The following DPP10 variants were observed in gnomAD, a reference collection of about 807,000 sequenced individuals.
DPP10 encodes dipeptidyl peptidase like 10.
Under a neutral mutation model 120.9 loss-of-function variants are expected in DPP10, and 33 were observed. The ratio of observed to expected loss-of-function variants is 0.27; its 90% CI spans 0.21 to 0.37. DPP10 has a LOEUF of 0.37. Ranked by LOEUF, DPP10 falls within the 10% of genes least tolerant of loss-of-function variation. The probability of loss-of-function intolerance (pLI) is 1.00; values close to 1 mark genes in which losing one functional copy is unlikely to be tolerated. For missense variants in DPP10, 816 were observed against 942.8 expected (o/e 0.87, Z 1.76); for synonymous variants, 337 against 326.1 (o/e 1.03, Z -0.36).
At chr2:114,897,835 A>C (rs919077226) in intron 1 of DPP10, among the ~76,000 whole-genome samples, 3 of 152,080 alleles carry the variant, frequency 2.0e-5, no homozygotes, top group Non-Finnish European at 2.9e-5. Flanking sequence ...AATCATTAAA[A>C]AGTCAGGAAA....
intron 5 of DPP10, among the ~76,000 whole-genome samples, chr2:115,655,229 T>C (rs748421208): frequency 6.6e-6 from 1 of 151,624 alleles, no homozygotes; most frequent in Non-Finnish European, 1.5e-5. Context: ...CTTTATTTAA[T>C]TATAGATATT....
chr2:115,611,991 TG>T (rs2084136534), intron 5 of DPP10, among the ~76,000 whole-genome samples: 1 of 152,150 alleles, frequency 6.6e-6, no homozygotes, highest in African/African-American at 2.4e-5. Context: ...GTTAGATTTA[TG>T]ATGATTAGTG....
At chr2:115,247,467 G>A (rs1215189136) in intron 1 of DPP10, among the ~76,000 whole-genome samples, 1 of 152,076 alleles carries the variant, frequency 6.6e-6, no homozygotes, top group Non-Finnish European at 1.5e-5. Flanking sequence ...TATTTATCTC[G>A]GAGAATCAGG....
chr2:114,502,665 G>C (rs1020201037), intron 1 of DPP10, among the ~76,000 whole-genome samples: 2 of 152,102 alleles, frequency 1.3e-5, no homozygotes, highest in African/African-American at 4.8e-5. Flanking sequence ...GTGCACACAA[G>C]CATACTCCAA....
chr2:115,678,253 C>T (rs2090414410), intron 5 of DPP10, among the ~76,000 whole-genome samples: 1 of 152,218 alleles, frequency 6.6e-6, no homozygotes, highest in Non-Finnish European at 1.5e-5. Flanking sequence ...TCACGGCATC[C>T]CCGCCTGTCA....
chr2:115,134,947 G>A (rs186145188), intron 1 of DPP10, among the ~76,000 whole-genome samples: 2 of 152,210 alleles, frequency 1.3e-5, no homozygotes, highest in Admixed American at 6.5e-5. Context: ...GGGAGGGAAC[G>A]TTCCACACTG....
chr2:115,440,409 T>C (rs1395404364), intron 3 of DPP10, among the ~76,000 whole-genome samples: 1 of 151,778 alleles, frequency 6.6e-6, no homozygotes, highest in East Asian at 1.9e-4. Flanking sequence ...TAGATATTCC[T>C]TTTTTGTCTG....
chr2:115,640,248 T>A (rs1271354513), intron 5 of DPP10, among the ~76,000 whole-genome samples: 1 of 152,118 alleles, frequency 6.6e-6, no homozygotes, highest in Non-Finnish European at 1.5e-5. Context: ...GAGGCCAACA[T>A]TCCCCCAAAT....
intron 1 of DPP10, among the ~76,000 whole-genome samples, chr2:115,021,988 T>C (rs532257392): frequency 1.1e-4 from 17 of 152,036 alleles, no homozygotes; most frequent in Admixed American, 1.0e-3. Context: ...CTCAGCAAAA[T>C]TGGCCATAGC....
At chr2:114,991,327 T>C (rs1490369038) in intron 1 of DPP10, among the ~76,000 whole-genome samples, 3 of 152,144 alleles carry the variant, frequency 2.0e-5, no homozygotes, top group Non-Finnish European at 4.4e-5. Flanking sequence ...TCCACACCAG[T>C]AGTGTAAGGC....
intron 5 of DPP10, among the ~76,000 whole-genome samples, chr2:115,639,234 CT>C (rs1365387003): frequency 6.6e-6 from 1 of 152,194 alleles, no homozygotes; most frequent in African/African-American, 2.4e-5. Context: ...TTCTGTTTCT[CT>C]TCTTCCTTCC....
At chr2:114,847,715 G>T (rs1277169703) in intron 1 of DPP10, among the ~76,000 whole-genome samples, 1 of 152,104 alleles carries the variant, frequency 6.6e-6, no homozygotes, top group Non-Finnish European at 1.5e-5. Flanking sequence ...CTTGATAAAA[G>T]TTTATCTGCA....
chr2:115,479,713 T>C (rs2075312009), intron 3 of DPP10, among the ~76,000 whole-genome samples: 1 of 152,126 alleles, frequency 6.6e-6, no homozygotes, highest in Admixed American at 6.5e-5. Flanking sequence ...CTTAATCAAA[T>C]TTGCTCCAGC....
chr2:115,562,931 A>G (rs1253068372), intron 5 of DPP10, among the ~76,000 whole-genome samples: 2 of 152,202 alleles, frequency 1.3e-5, no homozygotes, highest in African/African-American at 4.8e-5. Context: ...TTAGGTAATA[A>G]TATCTTCCCG....
At chr2:115,098,540 A>G (rs888448795) in intron 1 of DPP10, among the ~76,000 whole-genome samples, 12 of 152,112 alleles carry the variant, frequency 7.9e-5, no homozygotes, top group African/African-American at 2.4e-4. Flanking sequence ...ATTGTAGTCA[A>G]TTGTCACACA....
At chr2:115,453,492 A>G (rs1002200669) in intron 3 of DPP10, among the ~76,000 whole-genome samples, 7 of 151,748 alleles carry the variant, frequency 4.6e-5, no homozygotes, top group African/African-American at 1.7e-4. Flanking sequence ...TTAGAAATCA[A>G]CTACACAAAT....
chr2:115,489,424 T>C (rs1574996996), intron 3 of DPP10, among the ~76,000 whole-genome samples: 2 of 152,064 alleles, frequency 1.3e-5, no homozygotes, highest in East Asian at 3.9e-4. Context: ...TGGGAAGGGA[T>C]GTTGAACCCT....
intron 5 of DPP10, among the ~76,000 whole-genome samples, chr2:115,529,003 T>C (rs917945958): frequency 1.5e-4 from 23 of 152,166 alleles, no homozygotes; most frequent in Admixed American, 1.2e-3. Context: ...GGATTTCTTA[T>C]AGTTTTATAA....
chr2:115,341,164 C>T (rs931244086), intron 2 of DPP10, among the ~76,000 whole-genome samples: 1 of 152,060 alleles, frequency 6.6e-6, no homozygotes, highest in Non-Finnish European at 1.5e-5. Context: ...ACAAAAAGCA[C>T]TTATCCTTTT....
Sources: allele counts gnomAD v4.1 joint callset (sites outside exome capture counted in the v4.1 genomes callset), GRCh38; gene constraint gnomAD v4.1.1; transcripts MANE v1.5; gene names NCBI Gene and HGNC (gene_info 2026-07-23, HGNC 2026-07-21).